Variants in TMEM154 observed in about 807,000 individuals in gnomAD.
The protein encoded by TMEM154 is transmembrane protein 154.
A neutral mutation model predicts 24.5 loss-of-function variants in TMEM154; 27 were observed. The ratio of observed to expected loss-of-function variants is 1.10; its 90% CI spans 0.81 to 1.52. TMEM154 has a LOEUF of 1.52. TMEM154 is among the 40% of genes most tolerant of loss of function. The pLI is 0.00. For missense variants in TMEM154, 228 were observed against 213.4 expected, an observed-to-expected ratio of 1.07 and a Z score of -0.43; for synonymous variants, 67 against 76.8, an observed-to-expected ratio of 0.87 and a Z score of 0.67.
At chr4:152,652,424 T>C in intron 3 of TMEM154, 114 bp downstream of exon 3, 1 of 1,453,820 alleles carries the variant, frequency 6.9e-7, no homozygotes, top group Non-Finnish European at 9.2e-7. Flanking sequence ...TTCATTGAAA[T>C]GTATTATTTA....
chr4:152,641,072 C>T, intron 5 of TMEM154, 87 bp from the exon 6 acceptor site: 1 of 1,299,062 alleles, frequency 7.7e-7, no homozygotes, highest in Non-Finnish European at 1.1e-6. Flanking sequence ...TACCATAGTT[C>T]TCTGATCTGC....
At chr4:152,645,979 A>ACG (rs1752364956) in intron 3 of TMEM154, among the ~76,000 whole-genome samples, 1 of 141,398 alleles carries the variant, frequency 7.1e-6, no homozygotes. Flanking sequence ...ACACACACAC[A>ACG]GACACCACAA....
intron 6 of TMEM154, among the ~76,000 whole-genome samples, chr4:152,637,402 A>T (rs1456168318): frequency 6.6e-6 from 1 of 152,046 alleles, no homozygotes; most frequent in Non-Finnish European, 1.5e-5. Context: ...AAAATTAGCC[A>T]GGCGTGGTGG....
rs184254867 is a variant in TMEM154, at chr4:152,640,564, C to T, written c.536+364G>A. 6.6e-5 allele frequency among the ~76,000 whole-genome samples: 10 copies of T among 152,270 alleles called. 1 individual carries two copies. The highest frequency in any genetic ancestry group is 5.9e-4 in the Admixed American group (9 of 15,296). On this transcript the variant is annotated intron_variant, in intron 6 of 6. Transcript: ENST00000304385. ...TTACAGTTACCCACTTTAAGACTGT[C>T]GCCTCCATCTGTTTTCCTTACCAAA...
chr4:152,648,231 C>A (rs533426353), intron 3 of TMEM154, among the ~76,000 whole-genome samples: 214 of 152,286 alleles, frequency 1.4e-3, no homozygotes, highest in African/African-American at 4.8e-3. Flanking sequence ...ACCTGTAATC[C>A]CAGTGCTTTG....
chr4:152,628,997 G>T (rs796630924), intron 6 of TMEM154, among the ~76,000 whole-genome samples: 26 of 152,212 alleles, frequency 1.7e-4, no homozygotes, highest in African/African-American at 6.3e-4. Context: ...CCATTATGGA[G>T]GTGACTGAAG....
intron 1 of TMEM154, among the ~76,000 whole-genome samples, chr4:152,664,931 A>ACCTCAG (rs200210633): frequency 0.095 from 14,532 of 152,254 alleles, 771 homozygotes; most frequent in African/African-American, 0.13. Flanking sequence ...ATTCTCCTGT[A>ACCTCAG]TATAATGAAG....
At chr4:152,659,086 C>T (rs1728546213) in intron 1 of TMEM154, among the ~76,000 whole-genome samples, 1 of 152,106 alleles carries the variant, frequency 6.6e-6, no homozygotes, top group Non-Finnish European at 1.5e-5. Context: ...GCACTATTCA[C>T]AATAGCCAAG....
At position 152,659,293 on chromosome 4, in the gene TMEM154, T is replaced by C. The variant is rs558408298; in HGVS notation, c.65-6366A>G. Among the ~76,000 whole-genome samples the C allele has an allele frequency of 1.2e-4, 19 of 152,236 alleles. 1 individual carries two copies. Among genetic ancestry groups the C allele is most frequent in the Admixed American group, 7.2e-4 (11 of 15,286 alleles). On this transcript the variant is annotated intron_variant, in intron 1 of 6. Coordinates refer to ENST00000304385, the MANE Select transcript of TMEM154 (RefSeq NM_152680.3). Reference sequence around the variant, plus strand: ...GACAAATATCTTATGTTCTTGCTCATATGTGGGAGCTAAAAAAGTTGATCT... The same window carrying C: ...GACAAATATCTTATGTTCTTGCTCACATGTGGGAGCTAAAAAAGTTGATCT...
Position 152,640,598 on chromosome 4 carries a change from T to C in TMEM154, c.536+330A>G, listed in dbSNP as rs1008350197. Among the ~76,000 whole-genome samples the C allele has an allele frequency of 1.6e-4, 24 of 152,316 alleles. 1 individual carries two copies. The highest frequency in any genetic ancestry group is 5.1e-4 in the African/African-American group (21 of 41,572). On this transcript the variant is annotated intron_variant, in intron 6 of 6. Coordinates refer to ENST00000304385, the MANE Select transcript of TMEM154 (RefSeq NM_152680.3). ...CTGTTTTCCTTACCAAACATCTATT[T>C]ATCCAAGGTAAACAAACCTACAGTT...
intron 1 of TMEM154, among the ~76,000 whole-genome samples, chr4:152,677,548 C>T (rs900634552): frequency 1.8e-4 from 27 of 152,196 alleles, no homozygotes; most frequent in Admixed American, 1.8e-3. Context: ...TTTTAAAAAT[C>T]TTTAATTTAA....
At chr4:152,651,955 G>A (rs964174519) in intron 3 of TMEM154, among the ~76,000 whole-genome samples, 1 of 152,166 alleles carries the variant, frequency 6.6e-6, no homozygotes, top group Non-Finnish European at 1.5e-5. Context: ...CTGTATCAGG[G>A]AATAGAGAGG....
rs1431444028 is a variant in TMEM154 at position 152,621,826 on chromosome 4, T to C, written c.*6720A>G. On this transcript the variant is annotated 3_prime_UTR_variant, in exon 7 of 7. Transcript: ENST00000304385. Reference sequence around the variant, plus strand: ...TTTTCCATTTTTACTAGAATTTTTTTTTTTTTTGAGATGGAGTTTCACTCT... The same window carrying C: ...TTTTCCATTTTTACTAGAATTTTTTCTTTTTTTGAGATGGAGTTTCACTCT... 2 of 152,134 alleles carry C rather than the reference T, an allele frequency of 1.3e-5. No homozygotes were observed. The highest frequency in any genetic ancestry group is 4.8e-5 in the African/African-American group (2 of 41,412). 9.4% of individuals were successfully genotyped at this position (152,134 alleles called of 1,614,324 possible). A position where few individuals can be genotyped will look rare whatever the true frequency, so the allele number is the denominator to read the frequency against.
intron 1 of TMEM154, among the ~76,000 whole-genome samples, chr4:152,673,350 G>A (rs562180743): frequency 6.6e-6 from 1 of 152,024 alleles, no homozygotes; most frequent in South Asian, 2.1e-4. Flanking sequence ...GCCCAGTCTG[G>A]AGTGAAGTGG....
chr4:152,625,350 GC>G lies in TMEM154; in HGVS notation c.*3195del. The G allele has an allele frequency of 6.3e-6, 1 of 157,846 alleles. No individual in the cohort carries two copies. The highest frequency in any genetic ancestry group is 6.3e-5 in the Admixed American group (1 of 15,918). 9.8% of individuals were successfully genotyped at this position (157,846 alleles called of 1,614,324 possible). ...GGCCAATTCTGCCATAAGCCCTATT[GC>G]CCAGATATGTTACATAAAACATCCA... On this transcript the variant is annotated 3_prime_UTR_variant, in exon 7 of 7. Transcript: ENST00000304385.
chr4:152,658,714 G>C (rs1030436867), intron 1 of TMEM154, among the ~76,000 whole-genome samples: 1 of 151,222 alleles, frequency 6.6e-6, no homozygotes, highest in Non-Finnish European at 1.5e-5. Context: ...TTGGGAGGCT[G>C]AGGCAGGAGG....
intron 1 of TMEM154, among the ~76,000 whole-genome samples, chr4:152,672,983 T>C (rs1728877894): frequency 6.6e-6 from 1 of 152,212 alleles, no homozygotes; most frequent in African/African-American, 2.4e-5. Context: ...GGAAGCTGGC[T>C]GGGTTTGGCC....
rs189421568 is a variant in TMEM154 at position 152,638,023 on chromosome 4, G to T, written c.536+2905C>A. ...CTCCTGTCATCCCAACACTTTGGGA[G>T]GCCAAGGCAGCAGAAGGATTGCTTG... On this transcript the variant is annotated intron_variant, in intron 6 of 6. Coordinates refer to ENST00000304385, the MANE Select transcript of TMEM154 (RefSeq NM_152680.3). Among the ~76,000 whole-genome samples, 153 of 152,344 alleles carry T rather than the reference G, an allele frequency of 1.0e-3. 1 individual carries two copies. The highest frequency in any genetic ancestry group is 1.3e-3 in the Non-Finnish European group (89 of 68,036).
chr4:152,641,234 C>T, intron 5 of TMEM154: 3 of 443,812 alleles, frequency 6.8e-6, no homozygotes, highest in South Asian at 3.3e-5. Context: ...TTCATCACTG[C>T]TTGGTTATTC....
Sources: gnomAD v4.1 joint callset for allele counts (sites outside exome capture counted in the v4.1 genomes callset) on GRCh38, gnomAD v4.1.1 for gene constraint, MANE v1.5 for transcripts, NCBI Gene and HGNC (gene_info 2026-07-23, HGNC 2026-07-21) for gene names.